Variants in CHCHD6 observed in about 807,000 individuals in gnomAD.
CHCHD6 encodes coiled-coil-helix-coiled-coil-helix domain containing 6, also known as MICOS complex subunit MIC25.
In CHCHD6, 28 loss-of-function variants were observed where a neutral mutation model predicts 32.3. The ratio of observed to expected loss-of-function variants is 0.87; its 90% CI spans 0.64 to 1.19. The LOEUF is 1.19. Among genes scored for constraint, CHCHD6 ranks in the 50% most tolerant of loss-of-function variants. The pLI is 0.00. For synonymous variants in CHCHD6, 122 were observed against 117.5 expected (o/e 1.04, Z -0.25); for missense variants, 333 against 307.0 (o/e 1.08, Z -0.63).
intron 6 of CHCHD6, among the ~76,000 whole-genome samples, chr3:126,954,666 G>T (rs139090478): frequency 4.6e-5 from 7 of 152,328 alleles, no homozygotes; most frequent in African/African-American, 1.4e-4. Flanking sequence ...CCTCCACGGT[G>T]CAGCCAGGAA....
intron 5 of CHCHD6, among the ~76,000 whole-genome samples, chr3:126,900,234 C>G (rs2077901994): frequency 6.6e-6 from 1 of 152,100 alleles, no homozygotes; most frequent in African/African-American, 2.4e-5. Context: ...TTTTTACTTC[C>G]TACCTCTATG....
At chr3:126,716,822 A>AG (rs1345823721) in intron 1 of CHCHD6, among the ~76,000 whole-genome samples, 5 of 150,514 alleles carry the variant, frequency 3.3e-5, no homozygotes, top group Middle Eastern at 3.2e-3. Context: ...TGGGGTTGAT[A>AG]GGGGGGCTGG....
intron 1 of CHCHD6, among the ~76,000 whole-genome samples, chr3:126,725,469 A>C (rs1436732861): frequency 6.6e-6 from 1 of 152,246 alleles, no homozygotes; most frequent in African/African-American, 2.4e-5. Context: ...GCACTGGCAG[A>C]GTAGATTGAA....
chr3:126,737,390 GTATATATATATATATA>G (rs60896630), intron 4 of CHCHD6, among the ~76,000 whole-genome samples: 2,422 of 132,634 alleles, frequency 0.018, 78 homozygotes, highest in African/African-American at 0.06. Flanking sequence ...TGATGTGTGA[GTATATATATATATATA>G]TATATATATA....
chr3:126,815,264 G>A (rs1353822116), intron 4 of CHCHD6, among the ~76,000 whole-genome samples: 1 of 152,146 alleles, frequency 6.6e-6, no homozygotes, highest in African/African-American at 2.4e-5. Context: ...TTCAGTATCA[G>A]CATTCCCCAG....
chr3:126,808,790 G>A (rs2107695143), intron 4 of CHCHD6, among the ~76,000 whole-genome samples: 1 of 152,264 alleles, frequency 6.6e-6, no homozygotes, highest in East Asian at 1.9e-4. Flanking sequence ...CCCTCGTTTG[G>A]TGAGAGGAAT....
intron 5 of CHCHD6, among the ~76,000 whole-genome samples, chr3:126,871,726 C>T (rs545677476): frequency 5.1e-5 from 7 of 138,074 alleles, no homozygotes; most frequent in Admixed American, 2.4e-4. Flanking sequence ...AGTGCAGTGG[C>T]GCAATCTTGG....
chr3:126,883,571 G>A (rs770529956), intron 5 of CHCHD6, among the ~76,000 whole-genome samples: 1 of 152,218 alleles, frequency 6.6e-6, no homozygotes, highest in African/African-American at 2.4e-5. Context: ...TCCAGACACA[G>A]TGTTTTGAAG....
At chr3:126,901,790 A>T (rs1468852404) in intron 5 of CHCHD6, among the ~76,000 whole-genome samples, 1 of 152,232 alleles carries the variant, frequency 6.6e-6, no homozygotes, top group African/African-American at 2.4e-5. Context: ...CAGCGTCATG[A>T]TAACTAGAGG....
chr3:126,914,648 T>A (rs760604950), intron 5 of CHCHD6, 32 bp from the exon 6 acceptor site: 5 of 1,287,530 alleles, frequency 3.9e-6, no homozygotes, highest in Non-Finnish European at 5.7e-6. Flanking sequence ...AATTTCAGTC[T>A]TTGGTAACCA....
chr3:126,793,194 G>A (rs1188626928), intron 4 of CHCHD6, among the ~76,000 whole-genome samples: 1 of 151,896 alleles, frequency 6.6e-6, no homozygotes, highest in Non-Finnish European at 1.5e-5. Context: ...TAATTGGTAT[G>A]TTTATACCAT....
chr3:126,743,285 G>A (rs1312035193), intron 4 of CHCHD6, among the ~76,000 whole-genome samples: 2 of 152,184 alleles, frequency 1.3e-5, no homozygotes, highest in African/African-American at 4.8e-5. Context: ...AAGCTGGAAG[G>A]ACACGTGGGT....
rs562952565 is a variant in CHCHD6, at chr3:126,808,234, A to T, written c.412-44413A>T. On this transcript the variant is annotated intron_variant, in intron 4 of 7. Transcript: ENST00000290913. ...GTTTCTTGGGTTTGGGTCTCATAGC[A>T]GCTTGCCTCATCAGAGTGAGAAAGA... Among the ~76,000 whole-genome samples the T allele has an allele frequency of 2.0e-5, 3 of 152,294 alleles. No homozygotes were observed. The East Asian group carries it at 5.8e-4, about 29-fold the overall frequency.
At chr3:126,829,223 G>C (rs1415539475) in intron 4 of CHCHD6, among the ~76,000 whole-genome samples, 2 of 152,052 alleles carry the variant, frequency 1.3e-5, no homozygotes, top group Non-Finnish European at 2.9e-5. Flanking sequence ...TATGCAGGTT[G>C]TGGAACTCTC....
At position 126,853,930 on chromosome 3, in the gene CHCHD6, A is replaced by G. The variant is rs187673471; in HGVS notation, c.495+1200A>G. Among the ~76,000 whole-genome samples the G allele has an allele frequency of 3.9e-5, 6 of 152,282 alleles. No individual in the cohort carries two copies. In the East Asian group the frequency reaches 1.2e-3, roughly 29 times the overall value. Reference sequence around the variant, plus strand: ...CAGTTGCCGATATGTTCATAGGCACAGGGTTTTGGTTTTGTCTTTTTATTT... The same window carrying G: ...CAGTTGCCGATATGTTCATAGGCACGGGGTTTTGGTTTTGTCTTTTTATTT... On this transcript the variant is annotated intron_variant, in intron 5 of 7. Transcript: ENST00000290913.
At chr3:126,920,493 A>G (rs1376172160) in intron 6 of CHCHD6, among the ~76,000 whole-genome samples, 1 of 151,914 alleles carries the variant, frequency 6.6e-6, no homozygotes, top group Non-Finnish European at 1.5e-5. Flanking sequence ...GCTCTAAACC[A>G]CATTTTTGTT....
At chr3:126,764,744 A>G (rs775158752) in intron 4 of CHCHD6, among the ~76,000 whole-genome samples, 1 of 152,232 alleles carries the variant, frequency 6.6e-6, no homozygotes, top group Non-Finnish European at 1.5e-5. Context: ...GTTGCGTTCC[A>G]GGAAAGAGAC....
chr3:126,795,670 C>T (rs1190910816), intron 4 of CHCHD6, among the ~76,000 whole-genome samples: 1 of 152,060 alleles, frequency 6.6e-6, no homozygotes, highest in African/African-American at 2.4e-5. Flanking sequence ...GTCATCTTAC[C>T]ATGTTGGCAA....
intron 5 of CHCHD6, among the ~76,000 whole-genome samples, chr3:126,874,509 A>T (rs1343700530): frequency 6.6e-6 from 1 of 152,078 alleles, no homozygotes; most frequent in East Asian, 1.9e-4. Context: ...GCTCCTCATC[A>T]CCTGAGGCTG....
Sources: allele counts gnomAD v4.1 joint callset (sites outside exome capture counted in the v4.1 genomes callset), GRCh38; gene constraint gnomAD v4.1.1; transcripts MANE v1.5; gene names NCBI Gene and HGNC (gene_info 2026-07-23, HGNC 2026-07-21).